Variants in SNRNP200 observed in about 807,000 individuals in gnomAD.
SNRNP200 encodes the protein U5 small nuclear ribonucleoprotein 200 kDa helicase.
Under a neutral mutation model 255.2 loss-of-function variants are expected in SNRNP200, and 66 were observed. The observed-to-expected ratio is 0.26, with a 90% CI of 0.21 to 0.32. SNRNP200 has a LOEUF of 0.32. Ranked by LOEUF, SNRNP200 falls within the 10% of genes least tolerant of loss-of-function variation. SNRNP200 has a pLI of 1.00. For missense variants in SNRNP200, 1,585 were observed against 2,749.8 expected, an observed-to-expected ratio of 0.58 and a Z score of 9.47; for synonymous variants, 939 against 1,027.8, an observed-to-expected ratio of 0.91 and a Z score of 1.65.
Position 96,290,326 on chromosome 2 carries a change from C to T in SNRNP200, c.2742G>A (p.Lys914=), listed in dbSNP as rs771162258. The change falls in exon 20 of 45, where the codon AAG becomes AAA. Residue 914 remains lysine (K), a splice_region_variant and synonymous_variant. Coordinates refer to ENST00000323853, the MANE Select transcript of SNRNP200 (RefSeq NM_014014.5). The surrounding 1 kb of genome is among the most constrained non-coding windows in gnomAD (Gnocchi z 4.5). ...EIVLGNVQNA[K]DAVNWLGYAY... ...AGCACAACAAGCAGTCCTCCCCTAC[C>T]TTGGCATTCTGGACATTTCCTAGCA... 2 of 1,613,894 alleles carry T rather than the reference C, an allele frequency of 1.2e-6. No homozygotes were observed. Among genetic ancestry groups the T allele is most frequent in the Non-Finnish European group, 8.5e-7 (1 of 1,179,992 alleles).
At chr2:96,288,274 CAGTGACCTGTTCTTAG>C (rs1409715982) in intron 24 of SNRNP200, among the ~76,000 whole-genome samples, 2 of 152,152 alleles carry the variant, frequency 1.3e-5, no homozygotes, top group Non-Finnish European at 2.9e-5. Context: ...TTGAGGGTAC[CAGTGACCTGTTCTTAG>C]AGGTAAAGAT....
In SNRNP200 at chr2:96,279,629, C is replaced by A. The variant is rs1684726248; in HGVS notation, c.5025-70G>T. The A allele has an allele frequency of 1.4e-5, 13 of 951,578 alleles. No individual in the cohort carries two copies. The South Asian group carries it at 1.7e-4, about 13-fold the overall frequency. 58.9% of individuals were successfully genotyped at this position (951,578 alleles called of 1,614,324 possible). On this transcript the variant is annotated intron_variant, in intron 35 of 44. Coordinates refer to ENST00000323853, the MANE Select transcript of SNRNP200 (RefSeq NM_014014.5). ...GAGACCATGCTCAGGAAGCCCAACT[C>A]CCTTCGCCAAGTAAGAGTAAAATGT...
Position 96,278,480 on chromosome 2 carries a change from C to A in SNRNP200, c.5488+67G>T. On this transcript the variant is annotated intron_variant, in intron 38 of 44. Coordinates refer to ENST00000323853, the MANE Select transcript of SNRNP200 (RefSeq NM_014014.5). The surrounding 1 kb of genome is among the most constrained non-coding windows in gnomAD (Gnocchi z 6.9). The stretch of plus-strand genomic sequence containing the variant: ...TGACAAACACGGGCGCACCTCTCAT[C>A]CCAGTGGGCTCCTGACCCGTGTAAA... 1 of 1,611,144 alleles carries A rather than the reference C, an allele frequency of 6.2e-7. No homozygotes were observed. The highest frequency in any genetic ancestry group is 8.5e-7 in the Non-Finnish European group (1 of 1,179,514).
At position 96,278,915 on chromosome 2, in the gene SNRNP200, C is replaced by T. The variant is rs2104333003; in HGVS notation, c.5217G>A (p.Glu1739=). ...TGTTCTCAATGGTCTTGGTGACGAT[C>T]TCAGCATTGAAGTGGTCATGCATAC... ...DHCMHDHFNA[E]IVTKTIENKQ... The change falls in exon 37 of 45, where the codon GAG becomes GAA. Residue 1739 remains glutamate (E), a synonymous_variant. Transcript: ENST00000323853. This position sits in a 1 kb window ranked among gnomAD's most constrained non-coding sequence, Gnocchi z 6.9. The T allele has an allele frequency of 1.2e-6, 2 of 1,614,134 alleles. No homozygotes were observed. Among genetic ancestry groups the T allele is most frequent in the East Asian group, 2.2e-5 (1 of 44,882 alleles).
At chr2:96,292,870 T>G in intron 16 of SNRNP200, 102 bp downstream of exon 16, 1 of 1,378,978 alleles carries the variant, frequency 7.3e-7, no homozygotes, top group South Asian at 1.2e-5. Context: ...TGATTTATGT[T>G]GTGTCTTCTC....
chr2:96,296,125 T>C (rs1473268199), intron 13 of SNRNP200, among the ~76,000 whole-genome samples: 1 of 151,802 alleles, frequency 6.6e-6, no homozygotes, highest in Non-Finnish European at 1.5e-5. Context: ...AGCGAGACCC[T>C]GTCTCAAAAA....
chr2:96,278,022 C>A lies in SNRNP200; in HGVS notation c.5611-72G>T. 1.2e-6 allele frequency: 2 copies of A among 1,604,622 alleles called. No individual in the cohort carries two copies. Among genetic ancestry groups the A allele is most frequent in the Non-Finnish European group, 1.7e-6 (2 of 1,171,964 alleles). ...CTGAGACCAGCTCAGGCCAAAGCACCACGTGGCCCAGGCTCACACAGCCCT... is the reference window on the plus strand; with the variant it reads ...CTGAGACCAGCTCAGGCCAAAGCACAACGTGGCCCAGGCTCACACAGCCCT... On this transcript the variant is annotated intron_variant, in intron 39 of 44. Transcript: ENST00000323853. The surrounding 1 kb of genome is among the most constrained non-coding windows in gnomAD (Gnocchi z 6.9).
In SNRNP200 at chr2:96,283,456, C is replaced by A. The variant is rs978881424; in HGVS notation, c.4763+79G>T. Reference sequence around the variant, plus strand: ...CCCAAGCAACATGGGCTAACCCCACCCTCATAAAGAGGACACCCTTGGAGT... The same window carrying A: ...CCCAAGCAACATGGGCTAACCCCACACTCATAAAGAGGACACCCTTGGAGT... On this transcript the variant is annotated intron_variant, in intron 33 of 44. Transcript: ENST00000323853. The surrounding 1 kb of genome is among the most constrained non-coding windows in gnomAD (Gnocchi z 4.7). 3.1e-6 allele frequency: 5 copies of A among 1,612,674 alleles called. No individual in the cohort carries two copies. The African/African-American group carries it at 5.3e-5, about 17-fold the overall frequency.
intron 4 of SNRNP200, 48 bp downstream of exon 4, chr2:96,301,476 G>T (rs1324031118): frequency 6.3e-7 from 1 of 1,581,236 alleles, no homozygotes; most frequent in South Asian, 1.1e-5. Flanking sequence ...ATGTTTAGGG[G>T]TCAACAACAA....
chr2:96,277,245 C>CA lies in SNRNP200; in HGVS notation c.5932-5dup. On this transcript the variant is annotated splice_polypyrimidine_tract_variant and splice_region_variant and intron_variant, in intron 41 of 44. Transcript: ENST00000323853. The surrounding 1 kb of genome is among the most constrained non-coding windows in gnomAD (Gnocchi z 4.4). ...TGTCGAAAACACTCTCCACTCCCTG[C>CA]AGTGAGTATTCAGACGTCAGGAAAG... 2 of 1,614,132 alleles carry CA rather than the reference C, an allele frequency of 1.2e-6. No individual in the cohort carries two copies. Among genetic ancestry groups the CA allele is most frequent in the Non-Finnish European group, 1.7e-6 (2 of 1,180,010 alleles).
At position 96,287,923 on chromosome 2, in the gene SNRNP200, C is replaced by T. The variant is rs766339666; in HGVS notation, c.3305G>A (p.Arg1102Gln). ...CTTGTCTGTAAGCTGTGCCCAACCT[C>T]GGTTCAGGACAATTTCAAATATCGC... ...MRAIFEIVLNRGWAQLTDKTL... is the reference protein window; with the variant it reads ...MRAIFEIVLNQGWAQLTDKTL... The change falls in exon 25 of 45, where the codon CGA becomes CAA. Residue 1102 changes from arginine to glutamine, a missense_variant. By Grantham distance (43) the Arg-to-Gln change is conservative. Transcript: ENST00000323853. This position sits in a 1 kb window ranked among gnomAD's most constrained non-coding sequence, Gnocchi z 5.7. 4 of 1,614,208 alleles carry T rather than the reference C, an allele frequency of 2.5e-6. No individual in the cohort carries two copies. Among genetic ancestry groups the T allele is most frequent in the Non-Finnish European group, 3.4e-6 (4 of 1,180,042 alleles).
chr2:96,276,683 G>T (rs182929469), intron 43 of SNRNP200: 16 of 623,678 alleles, frequency 2.6e-5, no homozygotes, highest in Non-Finnish European at 4.2e-5. Flanking sequence ...GCCTCCCAAA[G>T]TGCTGGGATT....
At chr2:96,288,064 C>A (rs2063854579) in intron 24 of SNRNP200, 95 bp from the exon 25 acceptor site, 3 of 1,071,076 alleles carry the variant, frequency 2.8e-6, no homozygotes, top group Non-Finnish European at 4.3e-6. Context: ...CCAGCTCTGA[C>A]ACAACCACCC....
At chr2:96,303,424 C>T in intron 2 of SNRNP200, 94 bp from the exon 3 acceptor site, 1 of 1,442,356 alleles carries the variant, frequency 6.9e-7, no homozygotes, top group Non-Finnish European at 9.7e-7. Context: ...AGCTTCATGG[C>T]AAGAAGTTAA....
intron 35 of SNRNP200, 163 bp downstream of exon 35, chr2:96,281,651 G>A: frequency 1.5e-6 from 1 of 667,566 alleles, no homozygotes. Flanking sequence ...GTGAGCCTAG[G>A]TATTGAGACA....
At chr2:96,284,722 C>G in intron 30 of SNRNP200, 137 bp from the exon 31 acceptor site, 1 of 690,426 alleles carries the variant, frequency 1.4e-6, no homozygotes, top group Non-Finnish European at 2.6e-6. Context: ...ATAGCAGCCT[C>G]TATGCGATGC....
chr2:96,301,591 G>A lies in SNRNP200; in HGVS notation c.507C>T (p.Tyr169=). 6.2e-7 allele frequency: 1 copy of A among 1,614,182 alleles called. No individual in the cohort carries two copies. The highest frequency in any genetic ancestry group is 8.5e-7 in the Non-Finnish European group (1 of 1,180,040). The stretch of plus-strand genomic sequence containing the variant: ...TTTTGCCCAGGTTCACTAGCACATG[G>A]TATCTGGTATCATCTGTTTGACCCA... The part of the protein sequence containing the change: ...LLLGQTDDTR[Y]HVLVNLGKKI... Residue 169 remains tyrosine, a synonymous_variant, in exon 4 of 45, where the codon TAC becomes TAT. Transcript: ENST00000323853.
At position 96,299,352 on chromosome 2, in the gene SNRNP200, C is replaced by T. The variant is rs1202965081; in HGVS notation, c.706G>A (p.Val236Met). ...DDDMEGDEAVVRCTLSANLVA... is the reference protein window; with the variant it reads ...DDDMEGDEAVMRCTLSANLVA... ...ACATTAGCCGAGAGGGTGCAGCGCA[C>T]GACAGCCTCGTCCCCTTCCATGTCA... is the stretch of plus-strand genomic sequence containing the variant. The change falls in exon 6 of 45, where the codon GTG becomes ATG. Residue 236 changes from valine (V) to methionine (M), a missense_variant. Around this residue, in one of 9 missense-constraint regions of SNRNP200, gnomAD observed 383 missense variants for 645.3 expected, o/e 0.59. Transcript: ENST00000323853. The T allele has an allele frequency of 2.5e-6, 4 of 1,614,066 alleles. No homozygotes were observed. The highest frequency in any genetic ancestry group is 1.7e-5 in the Admixed American group (1 of 60,030).
intron 2 of SNRNP200, among the ~76,000 whole-genome samples, chr2:96,303,593 A>C (rs113570671): frequency 2.6e-5 from 4 of 152,358 alleles, no homozygotes; most frequent in African/African-American, 9.6e-5. Flanking sequence ...TCTCATTTAA[A>C]AAATACAACC....
Sources: gnomAD v4.1 joint callset for allele counts (sites outside exome capture counted in the v4.1 genomes callset) on GRCh38, gnomAD v4.1.1 for gene constraint, gnomAD v4.1.1 regional missense constraint, Gnocchi (gnomAD v3.1) non-coding constraint, MANE v1.5 for transcripts, NCBI Gene and HGNC (gene_info 2026-07-23, HGNC 2026-07-21) for gene names.